Variants in SMYD3 observed in about 807,000 individuals in gnomAD.
SMYD3 encodes histone-lysine N-methyltransferase SMYD3.
A neutral mutation model predicts 57.7 loss-of-function variants in SMYD3; 36 were observed. That is an observed-to-expected ratio of 0.62 (90% CI 0.48 to 0.82). The LOEUF is 0.82. Ranked by LOEUF, SMYD3 falls within the 40% of genes least tolerant of loss-of-function variation. SMYD3 has a pLI of 0.00. For missense variants in SMYD3, 515 were observed against 538.8 expected, an observed-to-expected ratio of 0.96 and a Z score of 0.44; for synonymous variants, 211 against 195.0, an observed-to-expected ratio of 1.08 and a Z score of -0.68.
At chr1:246,230,590 A>G (rs895940215) in intron 5 of SMYD3, among the ~76,000 whole-genome samples, 15 of 152,164 alleles carry the variant, frequency 9.9e-5, no homozygotes, top group African/African-American at 3.4e-4. Flanking sequence ...CCTCCAAGTA[A>G]CTAGGACTAC....
At chr1:246,056,031 T>C (rs1427339798) in intron 5 of SMYD3, among the ~76,000 whole-genome samples, 1 of 152,202 alleles carries the variant, frequency 6.6e-6, no homozygotes, top group Non-Finnish European at 1.5e-5. Flanking sequence ...TACATTTTAC[T>C]ACAATAAGGA....
At chr1:246,280,652 T>C (rs1034901609) in intron 5 of SMYD3, among the ~76,000 whole-genome samples, 5 of 152,244 alleles carry the variant, frequency 3.3e-5, no homozygotes, top group African/African-American at 1.2e-4. Flanking sequence ...CTACTGTAGC[T>C]TGAAATGTTA....
intron 5 of SMYD3, among the ~76,000 whole-genome samples, chr1:245,986,054 C>T (rs2058698117): frequency 6.6e-6 from 1 of 152,192 alleles, no homozygotes; most frequent in Non-Finnish European, 1.5e-5. Context: ...GAAACACACT[C>T]CCCTGGCAGT....
chr1:246,162,734 A>G (rs1251548403), intron 5 of SMYD3, among the ~76,000 whole-genome samples: 1 of 152,234 alleles, frequency 6.6e-6, no homozygotes, highest in African/African-American at 2.4e-5. Flanking sequence ...TCAGAGGTAC[A>G]GAGACTAGTG....
At chr1:245,840,198 T>C (rs2050332178) in intron 10 of SMYD3, among the ~76,000 whole-genome samples, 1 of 152,068 alleles carries the variant, frequency 6.6e-6, no homozygotes, top group Non-Finnish European at 1.5e-5. Flanking sequence ...ATGTTTAAAA[T>C]AAAAGGGTCT....
intron 1 of SMYD3, among the ~76,000 whole-genome samples, chr1:246,444,326 A>G (rs1031305005): frequency 1.3e-4 from 20 of 152,026 alleles, no homozygotes; most frequent in Admixed American, 9.2e-4. Context: ...GGGTTTCACC[A>G]TGTTGGCCAG....
chr1:246,174,446 T>G (rs2062398584), intron 5 of SMYD3, among the ~76,000 whole-genome samples: 1 of 152,170 alleles, frequency 6.6e-6, no homozygotes, highest in African/African-American at 2.4e-5. Flanking sequence ...TTTGGTTTTC[T>G]TGTTTGTTGT....
At chr1:245,896,403 A>AAAAAAAAAAAAAAAAAAAAAAAC (rs35287216) in intron 8 of SMYD3, among the ~76,000 whole-genome samples, 2 of 151,500 alleles carry the variant, frequency 1.3e-5, no homozygotes, top group Non-Finnish European at 1.5e-5. Flanking sequence ...AAAAAAAAAA[A>AAAAAAAAAAAAAAAAAAAAAAAC]AAACAGGCAA....
intron 5 of SMYD3, among the ~76,000 whole-genome samples, chr1:245,970,259 T>C (rs915166395): frequency 8.5e-5 from 13 of 152,214 alleles, no homozygotes; most frequent in Admixed American, 3.3e-4. Context: ...GCTAGCCACA[T>C]GTAGAAAGGG....
At chr1:245,860,275 G>A (rs140563054) in intron 9 of SMYD3, among the ~76,000 whole-genome samples, 1 of 152,054 alleles carries the variant, frequency 6.6e-6, no homozygotes, top group East Asian at 1.9e-4. Context: ...AACAGAGCAC[G>A]CCCAGCCCTG....
chr1:246,282,075 C>T (rs1442903437), intron 5 of SMYD3, among the ~76,000 whole-genome samples: 1 of 151,972 alleles, frequency 6.6e-6, no homozygotes, highest in Admixed American at 6.6e-5. Context: ...TATGTGAATC[C>T]AGTTTTAAAG....
intron 5 of SMYD3, among the ~76,000 whole-genome samples, chr1:246,242,006 G>T (rs1309701049): frequency 1.3e-5 from 2 of 152,010 alleles, no homozygotes; most frequent in Non-Finnish European, 2.9e-5. Flanking sequence ...CTTGCTAGCG[G>T]TCTATCAATT....
chr1:246,351,834 A>G (rs1222618894), intron 2 of SMYD3, among the ~76,000 whole-genome samples: 5 of 152,152 alleles, frequency 3.3e-5, no homozygotes, highest in African/African-American at 1.2e-4. Context: ...TGTATTGCTT[A>G]TGTTTAAAAA....
chr1:246,066,512 G>T (rs1399904737), intron 5 of SMYD3, among the ~76,000 whole-genome samples: 2 of 152,156 alleles, frequency 1.3e-5, no homozygotes, highest in East Asian at 3.8e-4. Flanking sequence ...AATAAGTACA[G>T]ATTGAAACTA....
At position 246,411,519 on chromosome 1, in the gene SMYD3, C is replaced by T. The variant is rs190185379; in HGVS notation, c.165-56425G>A. Among the ~76,000 whole-genome samples the T allele has an allele frequency of 5.6e-3, 847 of 152,148 alleles. 7 individuals carry two copies. The highest frequency in any genetic ancestry group is 7.3e-3 in the African/African-American group (301 of 41,502). On this transcript the variant is annotated intron_variant, in intron 1 of 11. Transcript: ENST00000490107. ...TAAATCATGCTGCTATAAAGACACACGCACACATATGTTTATTGTGGCACT... is the reference window on the plus strand; with the variant it reads ...TAAATCATGCTGCTATAAAGACACATGCACACATATGTTTATTGTGGCACT...
At chr1:246,332,985 G>C (rs2065484304) in intron 3 of SMYD3, among the ~76,000 whole-genome samples, 2 of 152,194 alleles carry the variant, frequency 1.3e-5, no homozygotes, top group South Asian at 4.1e-4. Flanking sequence ...TGTCACTTAG[G>C]ACTTTCATAG....
At chr1:246,195,145 T>C (rs537596652) in intron 5 of SMYD3, among the ~76,000 whole-genome samples, 7 of 152,210 alleles carry the variant, frequency 4.6e-5, no homozygotes, top group Non-Finnish European at 4.4e-5. Context: ...TGGAAATTTA[T>C]TGGCCCATAT....
intron 5 of SMYD3, among the ~76,000 whole-genome samples, chr1:246,234,675 T>C (rs1324170665): frequency 8.6e-6 from 1 of 115,624 alleles, no homozygotes; most frequent in Non-Finnish European, 1.8e-5. Context: ...CTTAAAATAT[T>C]TCATATAATA....
At chr1:245,872,377 C>G in intron 8 of SMYD3, among the ~76,000 whole-genome samples, 1 of 151,068 alleles carries the variant, frequency 6.6e-6, no homozygotes, top group East Asian at 2.0e-4. Context: ...ATCTCCTGAG[C>G]TGGCCGACCC....
Sources: gnomAD v4.1 joint callset for allele counts (sites outside exome capture counted in the v4.1 genomes callset) on GRCh38, gnomAD v4.1.1 for gene constraint, MANE v1.5 for transcripts, NCBI Gene and HGNC (gene_info 2026-07-23, HGNC 2026-07-21) for gene names.